The following POLR2B variants were observed in gnomAD, a reference collection of about 807,000 sequenced individuals.
POLR2B encodes the protein DNA-directed RNA polymerase II subunit RPB2.
A neutral mutation model predicts 144.6 loss-of-function variants in POLR2B; 57 were observed. That is an observed-to-expected ratio of 0.39 (90% CI 0.32 to 0.49). POLR2B has a LOEUF of 0.49. POLR2B is among the 20% of genes least tolerant of loss of function. The pLI is 0.83. For synonymous variants in POLR2B, 442 were observed against 469.8 expected (o/e 0.94, Z 0.77); for missense variants, 595 against 1,467.4 (o/e 0.41, Z 9.71).
intron 9 of POLR2B, 150 bp downstream of exon 9, chr4:57,005,869 GT>G: frequency 4.4e-6 from 3 of 686,610 alleles, no homozygotes; most frequent in Non-Finnish European, 6.9e-6. Context: ...CTCAGATTTA[GT>G]TTTGGTTCAT....
At chr4:57,024,517 A>G (rs554860958) in intron 21 of POLR2B, among the ~76,000 whole-genome samples, 1 of 152,146 alleles carries the variant, frequency 6.6e-6, no homozygotes, top group Non-Finnish European at 1.5e-5. Flanking sequence ...TAACATATGG[A>G]TGGCTTGGTT....
rs1395124291 is a variant in POLR2B, at chr4:57,005,248, T to TA, written c.906dup (p.Pro303ThrfsTer5). On this transcript the variant is annotated frameshift_variant, in exon 8 of 25. Coordinates refer to ENST00000314595, the MANE Select transcript of POLR2B (RefSeq NM_000938.3). LOFTEE classifies it high-confidence loss of function. ...CTTTTATTTAAATTGTCTGATAGGT[T>TA]AAACCTTCTCTCGATGAAGCTTTTG... 6.5e-7 allele frequency: 1 copy of TA among 1,541,350 alleles called. No individual in the cohort carries two copies. The highest frequency in any genetic ancestry group is 8.7e-7 in the Non-Finnish European group (1 of 1,147,422).
intron 23 of POLR2B, 93 bp downstream of exon 23, chr4:57,025,630 CTG>C: frequency 1.3e-6 from 1 of 764,502 alleles, no homozygotes; most frequent in Admixed American, 2.3e-5. Context: ...TAGTGAATGC[CTG>C]TGTGCCTGTT....
chr4:57,018,964 G>T (rs995721855), intron 16 of POLR2B, among the ~76,000 whole-genome samples: 2 of 152,156 alleles, frequency 1.3e-5, no homozygotes, highest in African/African-American at 4.8e-5. Flanking sequence ...GTTATCTTTT[G>T]TATTAACAGA....
chr4:56,979,304 T>C (rs1286033124), intron 1 of POLR2B, among the ~76,000 whole-genome samples: 1 of 152,118 alleles, frequency 6.6e-6, no homozygotes. Context: ...AAATTACGTT[T>C]TGAATTTGAA....
At chr4:57,003,962 AAAAAT>A (rs202052894) in intron 7 of POLR2B, among the ~76,000 whole-genome samples, 8,054 of 151,828 alleles carry the variant, frequency 0.053, 300 homozygotes, top group Non-Finnish European at 0.076. Context: ...CCCTGTCTCA[AAAAAT>A]AAAATAAATA....
At chr4:57,012,666 ATTG>A (rs1012626725) in intron 13 of POLR2B, among the ~76,000 whole-genome samples, 1 of 151,464 alleles carries the variant, frequency 6.6e-6, no homozygotes, top group Non-Finnish European at 1.5e-5. Context: ...TTTTTTTGTT[ATTG>A]TTGTTGGGGG....
At position 57,010,586 on chromosome 4, in the gene POLR2B, T is replaced by G. The variant is rs751390024; in HGVS notation, c.1548+82T>G. On this transcript the variant is annotated intron_variant, in intron 11 of 24. Transcript: ENST00000314595. ...ATAATTACTTTTAGAAATAGATGTT[T>G]GAAAAATTATGCAGAGTGGTTTAGA... is the stretch of plus-strand genomic sequence containing the variant. The G allele has an allele frequency of 1.4e-4, 207 of 1,432,536 alleles. 2 individuals are homozygous for G. In the South Asian group the frequency reaches 2.3e-3, roughly 16 times the overall value. The allele number at this position is 1,432,536 out of a possible 1,614,324, so 88.7% of individuals were successfully genotyped here. A position where few individuals can be genotyped will look rare whatever the true frequency, so the allele number is the denominator to read the frequency against.
At chr4:57,002,142 C>T (rs570757557) in intron 7 of POLR2B, among the ~76,000 whole-genome samples, 3 of 152,290 alleles carry the variant, frequency 2.0e-5, no homozygotes, top group Non-Finnish European at 2.9e-5. Context: ...ATTCTCCCAC[C>T]TCAGCCTCCT....
intron 16 of POLR2B, among the ~76,000 whole-genome samples, chr4:57,018,828 TAAG>T (rs1043953476): frequency 6.6e-6 from 1 of 152,104 alleles, no homozygotes; most frequent in African/African-American, 2.4e-5. Context: ...AAGTAGCTGA[TAAG>T]GAGGGGAATT....
At chr4:56,992,377 A>G (rs924502461) in intron 3 of POLR2B, among the ~76,000 whole-genome samples, 5 of 129,066 alleles carry the variant, frequency 3.9e-5, no homozygotes, top group African/African-American at 1.1e-4. Context: ...AGACAGGAGA[A>G]TTGCTTGAAC....
intron 3 of POLR2B, among the ~76,000 whole-genome samples, chr4:56,993,434 C>A (rs1396843095): frequency 6.6e-6 from 1 of 152,128 alleles, no homozygotes; most frequent in South Asian, 2.1e-4. Context: ...GATTGGCTTC[C>A]CTTTGGTTCG....
At chr4:57,026,324 C>A (rs576234486) in intron 23 of POLR2B, among the ~76,000 whole-genome samples, 8 of 152,264 alleles carry the variant, frequency 5.3e-5, no homozygotes, top group African/African-American at 1.2e-4. Flanking sequence ...AATCCTCTAG[C>A]CTCAGCCTTC....
chr4:56,986,628 C>T, intron 2 of POLR2B: 1 of 414,274 alleles, frequency 2.4e-6, no homozygotes, highest in East Asian at 4.1e-5. Context: ...AAAATGTTAC[C>T]CTGTACTACA....
chr4:57,011,650 C>T (rs1482386252), intron 13 of POLR2B, among the ~76,000 whole-genome samples: 1 of 152,132 alleles, frequency 6.6e-6, no homozygotes, highest in Non-Finnish European at 1.5e-5. Flanking sequence ...TGGTGAAACC[C>T]TGTCTCTACT....
intron 3 of POLR2B, among the ~76,000 whole-genome samples, chr4:56,991,627 T>C (rs911763739): frequency 6.6e-6 from 1 of 152,212 alleles, no homozygotes; most frequent in Non-Finnish European, 1.5e-5. Flanking sequence ...CTCTTCTGTG[T>C]AGCTTATCTC....
At chr4:57,025,665 A>C in intron 23 of POLR2B, 128 bp downstream of exon 23, 1 of 603,874 alleles carries the variant, frequency 1.7e-6, no homozygotes, top group South Asian at 2.2e-5. Flanking sequence ...ACAATTATCG[A>C]CTGATGGCCA....
At chr4:57,003,469 G>A (rs1269860580) in intron 7 of POLR2B, among the ~76,000 whole-genome samples, 2 of 151,984 alleles carry the variant, frequency 1.3e-5, no homozygotes, top group Non-Finnish European at 2.9e-5. Flanking sequence ...GGTGGCTCAC[G>A]CCTGTAATCC....
At chr4:56,981,959 C>T (rs1722168719) in intron 1 of POLR2B, among the ~76,000 whole-genome samples, 1 of 152,176 alleles carries the variant, frequency 6.6e-6, no homozygotes, top group African/African-American at 2.4e-5. Context: ...GACATCTTCC[C>T]GGAAACTCAC....
Sources: gnomAD v4.1 joint callset for allele counts (sites outside exome capture counted in the v4.1 genomes callset) on GRCh38, gnomAD v4.1.1 for gene constraint, MANE v1.5 for transcripts, NCBI Gene and HGNC (gene_info 2026-07-23, HGNC 2026-07-21) for gene names.